CASP8: variants seen among roughly 807,000 people sequenced by gnomAD.
The protein encoded by CASP8 is caspase-8.
In CASP8, 24 loss-of-function variants were observed where a neutral mutation model predicts 46.3. The ratio of observed to expected loss-of-function variants is 0.52; its 90% confidence interval spans 0.38 to 0.73. The LOEUF is 0.73. Ranked by LOEUF, CASP8 falls within the 30% of genes least tolerant of loss-of-function variation. The pLI, the probability that CASP8 is intolerant of heterozygous loss-of-function variation, is 0.00. For missense variants in CASP8, 460 were observed against 559.0 expected (o/e 0.82, Z 1.79); for synonymous variants, 188 against 200.4 (o/e 0.94, Z 0.52).
rs538046653 is a variant in CASP8, at chr2:201,251,284, T to C, written c.-26-15177T>C. Among the ~76,000 whole-genome samples the C allele has an allele frequency of 2.0e-5, 3 of 152,298 alleles. No homozygotes were observed. The East Asian group carries it at 5.8e-4, about 29-fold the overall frequency. On this transcript the variant is annotated intron_variant, in intron 2 of 6. Transcript: ENST00000264274. ...TTGGGTAAATATCTAGAAACGTGAT[T>C]GCTGGATCTTGCGGTAAGCATATGC... is the stretch of plus-strand genomic sequence containing the variant.
At chr2:201,261,582 G>A (rs909884152) in intron 1 of CASP8, among the ~76,000 whole-genome samples, 1 of 152,124 alleles carries the variant, frequency 6.6e-6, no homozygotes, top group Admixed American at 6.5e-5. Flanking sequence ...CCTTTGCTGG[G>A]TTGTTTGAAT....
chr2:201,244,758 GT>G (rs948618870), intron 2 of CASP8, among the ~76,000 whole-genome samples: 1 of 152,036 alleles, frequency 6.6e-6, no homozygotes, highest in African/African-American at 2.4e-5. Flanking sequence ...CTCATGCTTT[GT>G]TTTTTAATAG....
intron 7 of CASP8, among the ~76,000 whole-genome samples, chr2:201,278,926 G>A (rs1433159634): frequency 6.6e-6 from 1 of 152,084 alleles, no homozygotes; most frequent in Non-Finnish European, 1.5e-5. Flanking sequence ...AATCCAACAA[G>A]GATCAAGAGA....
Position 201,260,547 on chromosome 2 carries a change from C to T in CASP8, c.-93C>T. 3.0e-6 allele frequency: 3 copies of T among 985,472 alleles called. No homozygotes were observed. The highest frequency in any genetic ancestry group is 6.1e-5 in the Admixed American group (1 of 16,294). 61.0% of individuals were successfully genotyped at this position (985,472 alleles called of 1,614,324 possible). On this transcript the variant is annotated 5_prime_UTR_variant, in exon 1 of 9. Coordinates refer to ENST00000673742, the MANE Select transcript of CASP8 (RefSeq NM_001372051.1). ...TTCCGTCCTTCATTAGACGTTTGCTCTTGTCTTAGATGCTCAGATGGTAGT... is the reference window on the plus strand; with the variant it reads ...TTCCGTCCTTCATTAGACGTTTGCTTTTGTCTTAGATGCTCAGATGGTAGT...
At chr2:201,258,178 G>GT (rs920664391), upstream of CASP8, 75 of 1,585,424 alleles carry the variant, frequency 4.7e-5, no homozygotes, top group Admixed American at 6.7e-5. Context: ...TATCTTTTGT[G>GT]TTTTTTTTCA....
At chr2:201,277,351 G>A (rs1373174783) in intron 7 of CASP8, among the ~76,000 whole-genome samples, 1 of 152,198 alleles carries the variant, frequency 6.6e-6, no homozygotes, top group Non-Finnish European at 1.5e-5. Flanking sequence ...GGGCTGTTAA[G>A]TGCAGCAGAA....
At chr2:201,260,521 C>G (rs1947310945), upstream of CASP8, 3 of 985,390 alleles carry the variant, frequency 3.0e-6, no homozygotes, top group Non-Finnish European at 3.6e-6. Context: ...TGGCTGTGCC[C>G]TTCCGTCCTT....
At chr2:201,281,265 G>C (rs1046079740) in intron 7 of CASP8, among the ~76,000 whole-genome samples, 30 of 152,266 alleles carry the variant, frequency 2.0e-4, no homozygotes, top group Admixed American at 1.0e-3. Context: ...AGTGAGCTGA[G>C]ATTGTGACAC....
At chr2:201,283,048 AC>A (rs1417790620) in intron 7 of CASP8, among the ~76,000 whole-genome samples, 1 of 31,464 alleles carries the variant, frequency 3.2e-5, no homozygotes, top group African/African-American at 9.6e-5. Context: ...CAGGGGGCTG[AC>A]CCCCCCTCCC....
intron 1 of CASP8, among the ~76,000 whole-genome samples, chr2:201,264,964 CA>C (rs1045222204): frequency 2.0e-5 from 3 of 152,122 alleles, no homozygotes; most frequent in Admixed American, 6.5e-5. Context: ...CTGCAGGGAA[CA>C]AACATGATCG....
In CASP8 at chr2:201,236,148, A is replaced by T. The variant is rs955000438; in HGVS notation, c.-27+2036A>T. Among the ~76,000 whole-genome samples the T allele has an allele frequency of 2.1e-4, 32 of 152,134 alleles. 1 individual carries two copies. Among genetic ancestry groups the T allele is most frequent in the African/African-American group, 7.7e-4 (32 of 41,436 alleles). Reference sequence around the variant, plus strand: ...ATAGTGAACATATATATTACCTCCAAAATATTTCGTATGCCCTCTTGAATC... The same window carrying T: ...ATAGTGAACATATATATTACCTCCATAATATTTCGTATGCCCTCTTGAATC... On this transcript the variant is annotated intron_variant, in intron 2 of 6. Coordinates refer to the CASP8 transcript ENST00000264274.
intron 1 of CASP8, among the ~76,000 whole-genome samples, chr2:201,261,210 G>A (rs1947367171): frequency 6.6e-6 from 1 of 152,106 alleles, no homozygotes; most frequent in Non-Finnish European, 1.5e-5. Context: ...TGACCAACAT[G>A]AAGAAACCCC....
At chr2:201,275,250 C>T (rs563408411) in intron 6 of CASP8, among the ~76,000 whole-genome samples, 43 of 151,948 alleles carry the variant, frequency 2.8e-4, no homozygotes, top group South Asian at 4.1e-4. Context: ...TTCTAGCAGC[C>T]GTGCCAGCCT....
chr2:201,239,749 C>T (rs922678536), intron 2 of CASP8, among the ~76,000 whole-genome samples: 6 of 152,116 alleles, frequency 3.9e-5, no homozygotes, highest in Admixed American at 2.6e-4. Context: ...TCACGGGTGG[C>T]GGGCAATCCT....
upstream of CASP8, chr2:201,257,946 C>T: frequency 2.3e-6 from 1 of 431,568 alleles, no homozygotes; most frequent in Non-Finnish European, 4.3e-6. Flanking sequence ...TTAGTTTGCA[C>T]GTCCATGAAT....
At chr2:201,247,891 G>A (rs1323794810) in intron 2 of CASP8, among the ~76,000 whole-genome samples, 6 of 152,124 alleles carry the variant, frequency 3.9e-5, no homozygotes, top group Non-Finnish European at 7.4e-5. Flanking sequence ...TGATCCGCCC[G>A]CCTTGGCCTC....
chr2:201,235,307 G>A lies in CASP8; in HGVS notation c.-27+1195G>A, dbSNP rs143266487. Among the ~76,000 whole-genome samples, 13 of 152,106 alleles carry A rather than the reference G, an allele frequency of 8.5e-5. No individual in the cohort carries two copies. The East Asian group carries it at 1.5e-3, about 18-fold the overall frequency. ...TTCTTATACTTGAAATGTGTCTGCC[G>A]TAAGTGGTGTATTGTTCAAGTTTTT... On this transcript the variant is annotated intron_variant, in intron 2 of 6. Coordinates refer to the CASP8 transcript ENST00000264274.
chr2:201,264,507 C>A (rs1947656296), intron 1 of CASP8, among the ~76,000 whole-genome samples: 1 of 152,022 alleles, frequency 6.6e-6, no homozygotes, highest in South Asian at 2.1e-4. Context: ...TATTTTACTG[C>A]ATTCCCAGGG....
At chr2:201,249,158 G>T (rs1457294346) in intron 2 of CASP8, among the ~76,000 whole-genome samples, 1 of 152,164 alleles carries the variant, frequency 6.6e-6, no homozygotes, top group Non-Finnish European at 1.5e-5. Flanking sequence ...CTCCCAAAGT[G>T]CTGGGATTAT....
Sources: gnomAD v4.1 joint callset for allele counts (sites outside exome capture counted in the v4.1 genomes callset) on GRCh38, gnomAD v4.1.1 for gene constraint, MANE v1.5 for transcripts, NCBI Gene and HGNC (gene_info 2026-07-23, HGNC 2026-07-21) for gene names.